Variants in TBL1XR1 observed in about 807,000 individuals in gnomAD.
TBL1XR1 encodes TBL1X/Y related 1.
Under a neutral mutation model 66.9 loss-of-function variants are expected in TBL1XR1, and 5 were observed. The ratio of observed to expected loss-of-function variants is 0.07; its 90% CI spans 0.04 to 0.16. The LOEUF is 0.16. Ranked by LOEUF, TBL1XR1 falls within the 10% of genes least tolerant of loss-of-function variation. TBL1XR1 has a pLI of 1.00. For synonymous variants in TBL1XR1, 210 were observed against 206.0 expected (o/e 1.02, Z -0.17); for missense variants, 238 against 623.2 (o/e 0.38, Z 6.58).
At chr3:177,151,186 A>AT (rs1730838839) in intron 1 of TBL1XR1, among the ~76,000 whole-genome samples, 2 of 152,220 alleles carry the variant, frequency 1.3e-5, no homozygotes, top group African/African-American at 4.8e-5. Flanking sequence ...AGAAAGCCAA[A>AT]TCTGTGACTG....
intron 1 of TBL1XR1, among the ~76,000 whole-genome samples, chr3:177,116,759 G>T (rs1726356244): frequency 6.6e-6 from 1 of 152,134 alleles, no homozygotes; most frequent in East Asian, 1.9e-4. Flanking sequence ...TCTCTCAGAG[G>T]AAAGTTATGT....
At chr3:177,124,766 C>T (rs910268012) in intron 1 of TBL1XR1, among the ~76,000 whole-genome samples, 49 of 152,040 alleles carry the variant, frequency 3.2e-4, no homozygotes, top group Admixed American at 1.3e-4. Context: ...AATAGTAAAA[C>T]TCAAAATCTC....
At chr3:177,090,639 G>A (rs918844873) in intron 2 of TBL1XR1, among the ~76,000 whole-genome samples, 44 of 152,000 alleles carry the variant, frequency 2.9e-4, no homozygotes, top group African/African-American at 1.0e-3. Flanking sequence ...TGGACAACAT[G>A]GTCTCTCTTA....
chr3:177,133,290 AAAATAAAAAAT>A (rs1018491491), intron 1 of TBL1XR1, among the ~76,000 whole-genome samples: 8 of 152,232 alleles, frequency 5.3e-5, no homozygotes, highest in Admixed American at 5.2e-4. Flanking sequence ...TCTGTCTCAA[AAAATAAAAAAT>A]AAATAAATAA....
intron 2 of TBL1XR1, among the ~76,000 whole-genome samples, chr3:177,082,738 T>TTTTATATATATATATATATA (rs1450061640): frequency 0.034 from 2,135 of 63,180 alleles, 258 homozygotes; most frequent in East Asian, 0.059. Flanking sequence ...AAGATAGAGA[T>TTTTATATATATATATATATA]TATATATATA....
At chr3:177,181,798 G>A (rs1734853596) in intron 1 of TBL1XR1, among the ~76,000 whole-genome samples, 1 of 148,208 alleles carries the variant, frequency 6.7e-6, no homozygotes, top group Non-Finnish European at 1.5e-5. Flanking sequence ...GCCAGTATCA[G>A]GTAAACGTAA....
At chr3:177,033,254 A>T in intron 13 of TBL1XR1, 118 bp from the exon 14 acceptor site, 1 of 703,500 alleles carries the variant, frequency 1.4e-6, no homozygotes, top group Admixed American at 3.2e-5. Context: ...TATGAGAAGC[A>T]GACCGACTGG....
chr3:177,109,504 A>T (rs1725297792), intron 1 of TBL1XR1, among the ~76,000 whole-genome samples: 1 of 152,204 alleles, frequency 6.6e-6, no homozygotes, highest in African/African-American at 2.4e-5. Context: ...AGAGGTGGGG[A>T]AAGAAAGGAA....
chr3:177,076,009 G>T (rs1021353198), intron 2 of TBL1XR1, among the ~76,000 whole-genome samples: 12 of 152,114 alleles, frequency 7.9e-5, no homozygotes, highest in African/African-American at 2.7e-4. Context: ...ACCTTAGACG[G>T]AAGTTTTTTC....
In TBL1XR1 at chr3:177,071,397, TAGA is replaced by T. The variant is rs933964011; in HGVS notation, c.-45-6378_-45-6376del. Among the ~76,000 whole-genome samples the T allele has an allele frequency of 2.6e-5, 4 of 152,072 alleles. No individual in the cohort carries two copies. In the South Asian group the frequency reaches 8.3e-4, roughly 31 times the overall value. The stretch of plus-strand genomic sequence containing the variant: ...CAGTAATGTTTATGAAACACTGTAT[TAGA>T]AGAAGATGTGGTTATTCCTTGGTTC... On this transcript the variant is annotated intron_variant, in intron 2 of 15. Coordinates refer to ENST00000457928, the MANE Select transcript of TBL1XR1 (RefSeq NM_024665.7).
intron 1 of TBL1XR1, among the ~76,000 whole-genome samples, chr3:177,184,028 TGTCAAA>T (rs1381253662): frequency 6.6e-6 from 1 of 152,046 alleles, no homozygotes; most frequent in Non-Finnish European, 1.5e-5. Context: ...GGAAGGCTAG[TGTCAAA>T]GTCACAGTGC....
chr3:177,158,152 A>AG (rs1731733504), intron 1 of TBL1XR1, among the ~76,000 whole-genome samples: 2 of 124,390 alleles, frequency 1.6e-5, no homozygotes, highest in African/African-American at 6.9e-5. Flanking sequence ...TTTCTAAAAA[A>AG]TAAAAAGTAA....
chr3:177,170,134 T>G (rs745309808), intron 1 of TBL1XR1, among the ~76,000 whole-genome samples: 17 of 152,126 alleles, frequency 1.1e-4, no homozygotes, highest in Non-Finnish European at 2.5e-4. Flanking sequence ...TGAATCCCAA[T>G]GCATTCTCCA....
intron 1 of TBL1XR1, chr3:177,111,035 A>T (rs1264326301): frequency 6.6e-6 from 1 of 152,364 alleles, no homozygotes; most frequent in African/African-American, 2.4e-5. Context: ...CACACCTGGC[A>T]TGTGTTTACA....
chr3:177,112,780 G>A (rs1002768715), intron 1 of TBL1XR1, among the ~76,000 whole-genome samples: 5 of 152,014 alleles, frequency 3.3e-5, no homozygotes, highest in South Asian at 2.1e-4. Flanking sequence ...TGAGGCGGGC[G>A]GATCACGAAG....
intron 2 of TBL1XR1, among the ~76,000 whole-genome samples, chr3:177,092,444 GA>G (rs1441849420): frequency 1.3e-5 from 2 of 151,882 alleles, no homozygotes; most frequent in Non-Finnish European, 2.9e-5. Context: ...AAATAAAAGG[GA>G]AAAAATAGGT....
Position 177,187,853 on chromosome 3 carries a change from T to TAA in TBL1XR1, c.-122+9266_-122+9267dup, listed in dbSNP as rs5854746. Among the ~76,000 whole-genome samples the TAA allele has an allele frequency of 1.6e-3, 220 of 138,984 alleles. 2 individuals are homozygous for TAA. In the East Asian group the frequency reaches 0.036, roughly 23 times the overall value. 91.2% of individuals were successfully genotyped at this position (138,984 alleles called of 152,430 possible). On this transcript the variant is annotated intron_variant, in intron 1 of 15. Transcript: ENST00000457928. Reference sequence around the variant, plus strand: ...ACTGACACCTAGTTTATTAAAAAGTTAAAAAAAAATCCACCATTTTAAGGT... The same window carrying TAA: ...ACTGACACCTAGTTTATTAAAAAGTTAAAAAAAAAAATCCACCATTTTAAGGT...
intron 1 of TBL1XR1, among the ~76,000 whole-genome samples, chr3:177,105,173 G>C (rs1045804328): frequency 4.6e-4 from 70 of 152,186 alleles, no homozygotes; most frequent in African/African-American, 1.6e-3. Flanking sequence ...TCTTTAAAGT[G>C]AGTAGAGCAT....
intron 2 of TBL1XR1, among the ~76,000 whole-genome samples, chr3:177,083,030 A>G (rs1333533513): frequency 6.6e-6 from 1 of 151,884 alleles, no homozygotes; most frequent in Non-Finnish European, 1.5e-5. Context: ...GAGATATTTT[A>G]AAATAAATTC....
Sources: gnomAD v4.1 joint callset for allele counts (sites outside exome capture counted in the v4.1 genomes callset) on GRCh38, gnomAD v4.1.1 for gene constraint, MANE v1.5 for transcripts, NCBI Gene and HGNC (gene_info 2026-07-23, HGNC 2026-07-21) for gene names.